The following ADAM2 variants were observed in gnomAD, a reference collection of about 807,000 sequenced individuals.
ADAM2 encodes the protein disintegrin and metalloproteinase domain-containing protein 2.
ADAM2 carries 101 observed loss-of-function variants against 99.3 expected under a neutral mutation model. The observed-to-expected ratio is 1.02, with a 90% CI of 0.87 to 1.20. The LOEUF (loss-of-function observed/expected upper bound fraction) is 1.20. Among genes scored for constraint, ADAM2 ranks in the 50% most tolerant of loss-of-function variants. The pLI, the probability that ADAM2 is intolerant of heterozygous loss-of-function variation, is 0.00. For synonymous variants in ADAM2, 323 were observed against 287.6 expected (o/e 1.12, Z -1.25); for missense variants, 948 against 878.7 (o/e 1.08, Z -1.00).
chr8:39,804,255 G>C (rs1261913104), intron 7 of ADAM2, among the ~76,000 whole-genome samples: 1 of 152,106 alleles, frequency 6.6e-6, no homozygotes, highest in Non-Finnish European at 1.5e-5. Context: ...TTGATGACTT[G>C]GATTTAACCA....
At position 39,778,669 on chromosome 8, in the gene ADAM2, G is replaced by C. The variant is rs538958722; in HGVS notation, c.892-1508C>G. Reference sequence around the variant, plus strand: ...AGAGAGACAGTGTTAGGAAGAAGAAGGAGGAGGACGAGGAGGAGGAGAAAG... The same window carrying C: ...AGAGAGACAGTGTTAGGAAGAAGAACGAGGAGGACGAGGAGGAGGAGAAAG... On this transcript the variant is annotated intron_variant, in intron 10 of 20. Transcript: ENST00000265708. Among the ~76,000 whole-genome samples, 5 of 152,098 alleles carry C rather than the reference G, an allele frequency of 3.3e-5. No individual in the cohort carries two copies. In the East Asian group the frequency reaches 9.7e-4, roughly 29 times the overall value.
intron 16 of ADAM2, among the ~76,000 whole-genome samples, chr8:39,752,301 A>C (rs915323769): frequency 6.6e-6 from 1 of 152,184 alleles, no homozygotes; most frequent in Non-Finnish European, 1.5e-5. Context: ...GTGATATAGA[A>C]AACAAAACAA....
intron 3 of ADAM2, among the ~76,000 whole-genome samples, chr8:39,825,479 T>G (rs1298276784): frequency 6.6e-6 from 1 of 152,144 alleles, no homozygotes; most frequent in Admixed American, 6.5e-5. Context: ...TAGTATTGTT[T>G]GCCAAAGTTA....
intron 15 of ADAM2, 72 bp downstream of exon 15, chr8:39,761,104 T>C (rs1802351246): frequency 1.0e-6 from 1 of 958,086 alleles, no homozygotes; most frequent in Admixed American, 2.6e-5. Context: ...TTACATAAAC[T>C]TAATTGTTTG....
intron 7 of ADAM2, among the ~76,000 whole-genome samples, chr8:39,794,777 G>T (rs536788320): frequency 6.6e-5 from 10 of 152,090 alleles, no homozygotes; most frequent in African/African-American, 2.2e-4. Flanking sequence ...GACAGGAATT[G>T]CTCACTCAGG....
Position 39,790,369 on chromosome 8 carries a change from C to T in ADAM2, c.571-1629G>A, listed in dbSNP as rs140424480. Reference sequence around the variant, plus strand: ...AGAAGAAACGCAGTACTAATCCATGCCATAACATGTATAAACCTGAAAATC... The same window carrying T: ...AGAAGAAACGCAGTACTAATCCATGTCATAACATGTATAAACCTGAAAATC... On this transcript the variant is annotated intron_variant, in intron 7 of 20. Transcript: ENST00000265708. Among the ~76,000 whole-genome samples the T allele has an allele frequency of 2.7e-3, 413 of 151,916 alleles. 1 individual carries two copies. The highest frequency in any genetic ancestry group is 9.3e-3 in the African/African-American group (386 of 41,488).
At chr8:39,810,976 C>T (rs1804669158) in intron 6 of ADAM2, among the ~76,000 whole-genome samples, 1 of 151,752 alleles carries the variant, frequency 6.6e-6, no homozygotes, top group South Asian at 2.1e-4. Flanking sequence ...AAAAACCCTT[C>T]AAAAAAATCA....
At position 39,746,586 on chromosome 8, in the gene ADAM2, C is replaced by T. The variant is rs753222239; in HGVS notation, c.2060G>A (p.Trp687Ter). The T allele has an allele frequency of 6.2e-7, 1 of 1,606,024 alleles. No individual in the cohort carries two copies. Among genetic ancestry groups the T allele is most frequent in the African/African-American group, 1.3e-5 (1 of 74,234 alleles). Reference protein sequence around the residue: ...ENIYHSKPMRWPFFLFIPFFI... With the variant: ...ENIYHSKPMR The stretch of plus-strand genomic sequence containing the variant: ...GAAAGGAATGAATAAGAAAAATGGC[C>T]ATCTCATTGGTTTGGAATGGTAAAT... The change falls in exon 19 of 21, where the codon TGG becomes TAG. Residue 687 changes from tryptophan to a stop codon, truncating the protein, a stop_gained. Coordinates refer to ENST00000265708, the MANE Select transcript of ADAM2 (RefSeq NM_001464.5). LOFTEE classifies it high-confidence loss of function.
At chr8:39,836,830 G>A (rs948604825) in intron 2 of ADAM2, among the ~76,000 whole-genome samples, 1 of 152,144 alleles carries the variant, frequency 6.6e-6, no homozygotes, top group Non-Finnish European at 1.5e-5. Flanking sequence ...TCCAAATACA[G>A]CCTGAACGGT....
At chr8:39,769,930 T>C (rs1802713619) in intron 11 of ADAM2, among the ~76,000 whole-genome samples, 2 of 141,090 alleles carry the variant, frequency 1.4e-5, no homozygotes, top group African/African-American at 2.6e-5. Context: ...GAAAACAGGC[T>C]TTTCTTTTTT....
intron 7 of ADAM2, among the ~76,000 whole-genome samples, chr8:39,796,947 T>G (rs1420697937): frequency 6.6e-6 from 1 of 152,202 alleles, no homozygotes; most frequent in Non-Finnish European, 1.5e-5. Context: ...ATTAGACTTT[T>G]GTCAGATGGG....
intron 14 of ADAM2, among the ~76,000 whole-genome samples, chr8:39,766,544 A>G (rs1284416988): frequency 6.7e-6 from 1 of 150,372 alleles, no homozygotes; most frequent in Non-Finnish European, 1.5e-5. Flanking sequence ...AGTAGCTGGG[A>G]TTACAGGCAT....
At chr8:39,772,380 G>T (rs1219896129) in intron 11 of ADAM2, among the ~76,000 whole-genome samples, 1 of 151,936 alleles carries the variant, frequency 6.6e-6, no homozygotes, top group African/African-American at 2.4e-5. Context: ...AGTTCTAGGA[G>T]GTAATGAGAT....
chr8:39,820,647 G>A (rs1805136909), intron 6 of ADAM2, among the ~76,000 whole-genome samples: 2 of 152,072 alleles, frequency 1.3e-5, no homozygotes, highest in Non-Finnish European at 2.9e-5. Context: ...CTCTCCTCAG[G>A]ACCCTAGATA....
chr8:39,797,579 G>C (rs1239798131), intron 7 of ADAM2, among the ~76,000 whole-genome samples: 2 of 152,160 alleles, frequency 1.3e-5, no homozygotes, highest in Non-Finnish European at 2.9e-5. Flanking sequence ...TTCTAATTCT[G>C]TGAAGAATGT....
chr8:39,791,557 C>A (rs1274834625), intron 7 of ADAM2, among the ~76,000 whole-genome samples: 3 of 152,068 alleles, frequency 2.0e-5, no homozygotes, highest in Admixed American at 1.3e-4. Context: ...CTCCTTTAGA[C>A]TTCTCTGCCT....
At chr8:39,801,598 A>T (rs1804214405) in intron 7 of ADAM2, among the ~76,000 whole-genome samples, 1 of 152,144 alleles carries the variant, frequency 6.6e-6, no homozygotes, top group African/African-American at 2.4e-5. Flanking sequence ...TGCTCGGATA[A>T]CTCAGAACTA....
intron 7 of ADAM2, among the ~76,000 whole-genome samples, chr8:39,795,846 G>A (rs1354130096): frequency 6.6e-6 from 1 of 152,056 alleles, no homozygotes; most frequent in Non-Finnish European, 1.5e-5. Context: ...AAAATATTTG[G>A]ATTTGTAAAT....
chr8:39,744,723 G>A (rs1488446135), intron 20 of ADAM2, 107 bp downstream of exon 20: 7 of 675,028 alleles, frequency 1.0e-5, no homozygotes, highest in Non-Finnish European at 1.7e-5. Flanking sequence ...GATAGGTGCA[G>A]CAAACCACCA....
Sources: gnomAD v4.1 joint callset for allele counts (sites outside exome capture counted in the v4.1 genomes callset) on GRCh38, gnomAD v4.1.1 for gene constraint, MANE v1.5 for transcripts, NCBI Gene and HGNC (gene_info 2026-07-23, HGNC 2026-07-21) for gene names.